Variants in FRMD4A observed in about 807,000 individuals in gnomAD.
FRMD4A encodes FERM domain-containing protein 4A.
In FRMD4A, 29 loss-of-function variants were observed where a neutral mutation model predicts 129.1. The ratio of observed to expected loss-of-function variants is 0.22; its 90% CI spans 0.17 to 0.31. The LOEUF (loss-of-function observed/expected upper bound fraction) is 0.31. Ranked by LOEUF, FRMD4A falls within the 10% of genes least tolerant of loss-of-function variation. The pLI is 1.00. For synonymous variants in FRMD4A, 634 were observed against 571.6 expected, an observed-to-expected ratio of 1.11 and a Z score of -1.56; for missense variants, 1,272 against 1,375.8, an observed-to-expected ratio of 0.92 and a Z score of 1.19.
At chr10:13,779,148 C>T (rs1293128179) in intron 6 of FRMD4A, among the ~76,000 whole-genome samples, 1 of 152,034 alleles carries the variant, frequency 6.6e-6, no homozygotes, top group Non-Finnish European at 1.5e-5. Context: ...GAAACCCCAT[C>T]TCTACTAAAA....
At chr10:13,702,877 A>T (rs1218513741) in intron 13 of FRMD4A, among the ~76,000 whole-genome samples, 2 of 148,810 alleles carry the variant, frequency 1.3e-5, no homozygotes, top group Non-Finnish European at 3.0e-5. Context: ...GAGTCCACAC[A>T]GGTTTTTTCT....
At chr10:14,296,123 C>A (rs1237841614) in intron 2 of FRMD4A, among the ~76,000 whole-genome samples, 1 of 152,046 alleles carries the variant, frequency 6.6e-6, no homozygotes, top group African/African-American at 2.4e-5. Flanking sequence ...TTCCTACTCC[C>A]AGCGGAAGAA....
intron 8 of FRMD4A, among the ~76,000 whole-genome samples, chr10:13,753,286 T>C (rs992795758): frequency 6.6e-6 from 1 of 152,178 alleles, no homozygotes; most frequent in African/African-American, 2.4e-5. Context: ...ATCACATGCT[T>C]TTTTCCCCAG....
chr10:13,776,641 A>G (rs557136695), intron 6 of FRMD4A, among the ~76,000 whole-genome samples: 4 of 152,334 alleles, frequency 2.6e-5, no homozygotes, highest in African/African-American at 4.8e-5. Flanking sequence ...AAATATTAAT[A>G]CTTTAAAAAG....
chr10:13,796,411 T>G (rs906917106), intron 5 of FRMD4A, 85 bp downstream of exon 5: 2 of 754,536 alleles, frequency 2.7e-6, no homozygotes, highest in Admixed American at 1.9e-5. Context: ...ACTTGAGCTC[T>G]CTTTCCTTGG....
intron 21 of FRMD4A, among the ~76,000 whole-genome samples, chr10:13,658,881 CAAAAA>C (rs60536121): frequency 1.3e-5 from 1 of 75,188 alleles, no homozygotes; most frequent in Non-Finnish European, 3.3e-5. Context: ...GACTCCATCT[CAAAAA>C]AAAAAAAAAA....
chr10:14,129,831 G>A (rs1000266463), intron 2 of FRMD4A, among the ~76,000 whole-genome samples: 1 of 152,154 alleles, frequency 6.6e-6, no homozygotes, highest in African/African-American at 2.4e-5. Flanking sequence ...GAAGTCAGTG[G>A]TTGATATTTG....
chr10:14,095,180 G>A (rs769705675), intron 2 of FRMD4A, among the ~76,000 whole-genome samples: 46 of 152,292 alleles, frequency 3.0e-4, no homozygotes, highest in Non-Finnish European at 5.1e-4. Context: ...AAATGAGGCC[G>A]AAATAAAACT....
At chr10:13,682,155 T>C (rs946245482) in intron 15 of FRMD4A, among the ~76,000 whole-genome samples, 1 of 152,052 alleles carries the variant, frequency 6.6e-6, no homozygotes, top group African/African-American at 2.4e-5. Context: ...GCAGAGGGTG[T>C]TGAGGCTACT....
chr10:13,741,066 A>G (rs1190639668), intron 9 of FRMD4A, among the ~76,000 whole-genome samples: 1 of 152,074 alleles, frequency 6.6e-6, no homozygotes, highest in Non-Finnish European at 1.5e-5. Context: ...ACCTCAAGTG[A>G]TCCACCCACC....
intron 3 of FRMD4A, among the ~76,000 whole-genome samples, chr10:13,852,305 G>A (rs891745240): frequency 1.1e-4 from 17 of 151,624 alleles, no homozygotes; most frequent in African/African-American, 3.4e-4. Flanking sequence ...GTGCAGTGGC[G>A]TGACCTCGAC....
At chr10:13,958,441 G>A (rs1340095319) in intron 2 of FRMD4A, among the ~76,000 whole-genome samples, 2 of 151,506 alleles carry the variant, frequency 1.3e-5, no homozygotes, top group African/African-American at 2.4e-5. Flanking sequence ...CCGCCACCAT[G>A]CCTGGCTAAT....
At chr10:14,239,823 T>G (rs550051310) in intron 2 of FRMD4A, among the ~76,000 whole-genome samples, 50 of 152,346 alleles carry the variant, frequency 3.3e-4, no homozygotes, top group African/African-American at 1.1e-3. Context: ...GAGTGAGTGT[T>G]TGCTCAGCTG....
At chr10:14,067,290 T>C (rs1176310456) in intron 2 of FRMD4A, among the ~76,000 whole-genome samples, 1 of 151,952 alleles carries the variant, frequency 6.6e-6, no homozygotes, top group Non-Finnish European at 1.5e-5. Flanking sequence ...CACTCCAGCC[T>C]GGGCGACAGA....
intron 2 of FRMD4A, among the ~76,000 whole-genome samples, chr10:14,184,996 GAGAGA>G (rs1282728446): frequency 6.6e-6 from 1 of 152,062 alleles, no homozygotes; most frequent in Non-Finnish European, 1.5e-5. Context: ...AGCGCGGAAT[GAGAGA>G]AAACAAAACC....
At position 14,296,087 on chromosome 10, in the gene FRMD4A, AC is replaced by A. The variant is rs112926869; in HGVS notation, c.45+33970del. 8.2e-3 allele frequency among the ~76,000 whole-genome samples: 1,240 copies of A among 152,058 alleles called. 13 individuals carry two copies. Among genetic ancestry groups the A allele is most frequent in the African/African-American group, 0.024 (980 of 41,420 alleles). On this transcript the variant is annotated intron_variant, in intron 2 of 24. Coordinates refer to ENST00000357447, the MANE Select transcript of FRMD4A (RefSeq NM_018027.5). ...GCAAAAATAATCACCTCGCCTGGCGACGGGGGGTCTCTGGTCATAACTCACT... is the reference window on the plus strand; with the variant it reads ...GCAAAAATAATCACCTCGCCTGGCGAGGGGGGTCTCTGGTCATAACTCACT...
intron 2 of FRMD4A, among the ~76,000 whole-genome samples, chr10:14,239,410 G>T (rs1299146359): frequency 6.6e-6 from 1 of 152,108 alleles, no homozygotes; most frequent in Non-Finnish European, 1.5e-5. Flanking sequence ...GGCGGATCAG[G>T]AGGTCAGGAG....
At chr10:13,912,167 T>A (rs1002244934) in intron 2 of FRMD4A, among the ~76,000 whole-genome samples, 4 of 152,196 alleles carry the variant, frequency 2.6e-5, no homozygotes, top group African/African-American at 9.6e-5. Context: ...TAGAAAAGAA[T>A]GCAAAGTTTA....
intron 2 of FRMD4A, among the ~76,000 whole-genome samples, chr10:14,164,599 C>T (rs916386922): frequency 2.0e-5 from 3 of 152,278 alleles, no homozygotes; most frequent in South Asian, 2.1e-4. Context: ...TTCATTTCTA[C>T]GTTGGGAACA....
Sources: gnomAD v4.1 joint callset for allele counts (sites outside exome capture counted in the v4.1 genomes callset) on GRCh38, gnomAD v4.1.1 for gene constraint, MANE v1.5 for transcripts, NCBI Gene and HGNC (gene_info 2026-07-23, HGNC 2026-07-21) for gene names.